TBCD: variants seen among roughly 807,000 people sequenced by gnomAD.
TBCD encodes tubulin folding cofactor D.
TBCD carries 105 observed loss-of-function variants against 169.3 expected under a neutral mutation model. The observed-to-expected ratio is 0.62, with a 90% confidence interval of 0.53 to 0.73. The LOEUF (loss-of-function observed/expected upper bound fraction) is 0.73. TBCD is among the 30% of genes least tolerant of loss of function. The pLI is 0.00. For missense variants in TBCD, 1,444 were observed against 1,600.1 expected, an observed-to-expected ratio of 0.90 and a Z score of 1.66; for synonymous variants, 700 against 643.9, an observed-to-expected ratio of 1.09 and a Z score of -1.32.
At chr17:82,781,868 C>T in intron 7 of TBCD, 147 bp downstream of exon 7, 1 of 1,305,848 alleles carries the variant, frequency 7.7e-7, no homozygotes, top group African/African-American at 1.5e-5. Context: ...TGGGCAGTTT[C>T]CTTTTCCCTC....
intron 9 of TBCD, among the ~76,000 whole-genome samples, chr17:82,802,714 GC>G (rs2050663775): frequency 6.6e-6 from 1 of 152,230 alleles, no homozygotes; most frequent in Non-Finnish European, 1.5e-5. Flanking sequence ...CCTTCCGCTG[GC>G]TGAACGAGGC....
chr17:82,872,918 TCGTGGCCGACGGCTTCTGAGCCAGGCCC>T (rs1273271199), intron 14 of TBCD, among the ~76,000 whole-genome samples: 3 of 118,372 alleles, frequency 2.5e-5, no homozygotes, highest in African/African-American at 1.0e-4. Flanking sequence ...GCCCGGCACC[TCGTGGCCGACGGCTTCTGAGCCAGGCCC>T]GGCACCTCGT....
chr17:82,757,212 C>G (rs2047447929), intron 2 of TBCD, among the ~76,000 whole-genome samples: 1 of 152,158 alleles, frequency 6.6e-6, no homozygotes, highest in African/African-American at 2.4e-5. Flanking sequence ...TTCCTCGCCC[C>G]CCGTGGTGTT....
rs138481524 is a variant in TBCD at position 82,890,800 on chromosome 17, C to A, written c.1563+1103C>A. On this transcript the variant is annotated intron_variant, in intron 16 of 38. Transcript: ENST00000355528. This position sits in a 1 kb window ranked among gnomAD's most constrained non-coding sequence, Gnocchi z 5.3. The stretch of plus-strand genomic sequence containing the variant: ...CAGTTCACTAGGAAGAGACACCAGC[C>A]TTGCAAGGGGAGCCTGGGTGTGCAG... Among the ~76,000 whole-genome samples, 545 of 152,320 alleles carry A rather than the reference C, an allele frequency of 3.6e-3. 4 individuals carry two copies. Among genetic ancestry groups the A allele is most frequent in the African/African-American group, 0.011 (462 of 41,570 alleles).
At chr17:82,794,009 A>G (rs1404422323) in intron 7 of TBCD, among the ~76,000 whole-genome samples, 1 of 152,168 alleles carries the variant, frequency 6.6e-6, no homozygotes, top group African/African-American at 2.4e-5. Context: ...GGTCTCAGCC[A>G]TCTGCCTCAG....
At chr17:82,773,524 C>T (rs2048405444) in intron 6 of TBCD, among the ~76,000 whole-genome samples, 2 of 152,078 alleles carry the variant, frequency 1.3e-5, no homozygotes, top group Admixed American at 6.5e-5. Flanking sequence ...TGCTTTCATC[C>T]CATGGGGGTG....
rs754490557 is a variant in TBCD at position 82,797,755 on chromosome 17, A to G, written c.772-2A>G. 7.1e-6 allele frequency: 9 copies of G among 1,259,654 alleles called. No homozygotes were observed. The highest frequency in any genetic ancestry group is 8.6e-6 in the Non-Finnish European group (8 of 935,324). 78.0% of individuals were successfully genotyped at this position (1,259,654 alleles called of 1,614,324 possible). ...ATTAAAAATCTTTTTTTTTTTTTTT[A>G]GGCACAAATATTTAAACATGGAAAA... On this transcript the variant is annotated splice_acceptor_variant, in intron 7 of 38. Coordinates refer to ENST00000355528, the MANE Select transcript of TBCD (RefSeq NM_005993.5). LOFTEE classifies it high-confidence loss of function.
intron 16 of TBCD, among the ~76,000 whole-genome samples, chr17:82,892,504 C>T (rs777166323): frequency 4.6e-5 from 7 of 152,166 alleles, no homozygotes; most frequent in Non-Finnish European, 8.8e-5. Flanking sequence ...AAGAAAGCCG[C>T]ATGGTACCTG....
rs764201833 is a variant in TBCD at position 82,797,824 on chromosome 17, C to T, written c.817+22C>T. 41 of 1,554,124 alleles carry T rather than the reference C, an allele frequency of 2.6e-5. No homozygotes were observed. In the African/African-American group the frequency reaches 2.6e-4, roughly 10 times the overall value. On this transcript the variant is annotated intron_variant, in intron 8 of 38. Coordinates refer to ENST00000355528, the MANE Select transcript of TBCD (RefSeq NM_005993.5). ...TATGGTAAGGTTTATTTTTAAGAGA[C>T]GATATCTTTGTGATGTGAGTTTGCT...
At chr17:82,841,229 A>T (rs1567870205) in intron 13 of TBCD, among the ~76,000 whole-genome samples, 1 of 151,898 alleles carries the variant, frequency 6.6e-6, no homozygotes, top group African/African-American at 2.4e-5. Flanking sequence ...GGTGTGAGCC[A>T]CTGCACCCGG....
In TBCD at chr17:82,930,432, C is replaced by T; in HGVS notation, c.2992-90C>T. 4 of 1,524,142 alleles carry T rather than the reference C, an allele frequency of 2.6e-6. No homozygotes were observed. In the South Asian group the frequency reaches 4.9e-5, roughly 19 times the overall value. The allele number at this position is 1,524,142 out of a possible 1,614,324, so 94.4% of individuals were successfully genotyped here. The stretch of plus-strand genomic sequence containing the variant: ...CTCTGCAGCTCGGAGCAGTTCTGCT[C>T]TTCAGCAGATGCTTGACCGGCTGTA... On this transcript the variant is annotated intron_variant, in intron 32 of 38. Coordinates refer to ENST00000355528, the MANE Select transcript of TBCD (RefSeq NM_005993.5). This position sits in a 1 kb window ranked among gnomAD's most constrained non-coding sequence, Gnocchi z 5.2.
In TBCD at chr17:82,870,395, C is replaced by T. The variant is rs74000125; in HGVS notation, c.1475+15C>T. The stretch of plus-strand genomic sequence containing the variant: ...GCAATCTCGAGGTAGGCCCATTCGT[C>T]GAGGTACATCGGATGCGCCGTGCCC... On this transcript the variant is annotated intron_variant, in intron 14 of 38. Coordinates refer to ENST00000355528, the MANE Select transcript of TBCD (RefSeq NM_005993.5). 2.0e-3 allele frequency: 3,164 copies of T among 1,609,118 alleles called. 45 individuals carry two copies. The African/African-American group carries it at 0.036, about 18-fold the overall frequency.
rs1318378337 is a variant in TBCD at position 82,944,483 on chromosome 17, A to G, written c.*2020A>G. ...AGGCAGGCAACACTGAGTGCTATGA[A>G]CAAAGATAAAGTGGGCAATGGAATG... On this transcript the variant is annotated 3_prime_UTR_variant, in exon 39 of 39. Transcript: ENST00000355528. 6.6e-6 allele frequency: 1 copy of G among 152,278 alleles called. No homozygotes were observed. Among genetic ancestry groups the G allele is most frequent in the African/African-American group, 2.4e-5 (1 of 41,458 alleles). The allele number at this position is 152,278 out of a possible 1,614,324, so 9.4% of individuals were successfully genotyped here. A position where few individuals can be genotyped will look rare whatever the true frequency, so the allele number is the denominator to read the frequency against.
intron 12 of TBCD, among the ~76,000 whole-genome samples, chr17:82,812,900 G>T (rs546636914): frequency 6.6e-5 from 10 of 152,236 alleles, no homozygotes; most frequent in African/African-American, 2.2e-4. Context: ...GCTCACTGCG[G>T]CCTCTACTTC....
chr17:82,927,867 C>T, intron 29 of TBCD, 38 bp from the exon 30 acceptor site: 4 of 1,594,554 alleles, frequency 2.5e-6, no homozygotes, highest in East Asian at 2.2e-5. Context: ...GAACCCCCCT[C>T]TCAAGCTGGG....
intron 34 of TBCD, among the ~76,000 whole-genome samples, chr17:82,936,882 G>T (rs540624802): frequency 6.6e-6 from 1 of 152,248 alleles, no homozygotes; most frequent in Non-Finnish European, 1.5e-5. Context: ...TGTGTCGGCA[G>T]TTTCCCCCGG....
In TBCD at chr17:82,800,902, C is replaced by T. The variant is rs1285688363; in HGVS notation, c.856C>T (p.Pro286Ser). The change falls in exon 9 of 39, where the codon CCT (proline) becomes TCT (serine). Residue 286 changes from proline to serine, a missense_variant. Physicochemically the swap from Pro to Ser is moderately conservative, Grantham distance 74. Transcript: ENST00000355528. ...CAGGTGCCTCGATGGCTGCAGACTC[C>T]CTGAGAGCAACCAGACCCTGCTGCG... ...VLRCLDGCRL[P>S]ESNQTLLRKL... 6.2e-7 allele frequency: 1 copy of T among 1,612,814 alleles called. No individual in the cohort carries two copies. Among genetic ancestry groups the T allele is most frequent in the South Asian group, 1.1e-5 (1 of 91,042 alleles).
At chr17:82,826,233 T>TTTC (rs577914644) in intron 13 of TBCD, among the ~76,000 whole-genome samples, 1,539 of 151,794 alleles carry the variant, frequency 0.01, 22 homozygotes, top group African/African-American at 0.035. Context: ...CTTTTTTTTT[T>TTTC]ATTATTTTTT....
At chr17:82,766,400 G>A (rs749261279) in intron 4 of TBCD, 32 bp downstream of exon 4, 5 of 1,540,658 alleles carry the variant, frequency 3.2e-6, no homozygotes, top group Non-Finnish European at 4.5e-6. Flanking sequence ...CTCGTCTCCA[G>A]CCCTCCGTGC....
Sources: gnomAD v4.1 joint callset for allele counts (sites outside exome capture counted in the v4.1 genomes callset) on GRCh38, gnomAD v4.1.1 for gene constraint, Gnocchi (gnomAD v3.1) non-coding constraint, MANE v1.5 for transcripts, NCBI Gene and HGNC (gene_info 2026-07-23, HGNC 2026-07-21) for gene names.